Variants in PPP2R2B observed in about 807,000 individuals in gnomAD.
PPP2R2B encodes serine/threonine-protein phosphatase 2A 55 kDa regulatory subunit B beta isoform.
Under a neutral mutation model 46.0 loss-of-function variants are expected in PPP2R2B, and 5 were observed. The ratio of observed to expected loss-of-function variants is 0.11; its 90% CI spans 0.06 to 0.23. PPP2R2B has a LOEUF of 0.23. PPP2R2B is among the 10% of genes least tolerant of loss of function. The probability of loss-of-function intolerance (pLI) is 1.00; values close to 1 mark genes in which losing one functional copy is unlikely to be tolerated. For synonymous variants in PPP2R2B, 215 were observed against 206.7 expected (o/e 1.04, Z -0.34); for missense variants, 367 against 575.0 (o/e 0.64, Z 3.70).
At chr5:146,852,103 C>T (rs549777486) in intron 2 of PPP2R2B, among the ~76,000 whole-genome samples, 5 of 152,184 alleles carry the variant, frequency 3.3e-5, no homozygotes, top group Admixed American at 1.3e-4. Context: ...GCTCACTTAT[C>T]AAAAACCAAA....
At chr5:146,779,026 CAGTT>C (rs1272004304) in intron 2 of PPP2R2B, among the ~76,000 whole-genome samples, 1 of 152,160 alleles carries the variant, frequency 6.6e-6, no homozygotes, top group Non-Finnish European at 1.5e-5. Context: ...ACACAGCAAG[CAGTT>C]AGAAACAACA....
chr5:146,931,908 G>A (rs1267290386), intron 1 of PPP2R2B, among the ~76,000 whole-genome samples: 5 of 152,152 alleles, frequency 3.3e-5, no homozygotes, highest in Non-Finnish European at 5.9e-5. Flanking sequence ...GTGAGTGCAC[G>A]CATGGCATAT....
intron 1 of PPP2R2B, among the ~76,000 whole-genome samples, chr5:147,022,223 GA>G (rs1755305531): frequency 6.6e-6 from 1 of 152,094 alleles, no homozygotes; most frequent in African/African-American, 2.4e-5. Flanking sequence ...TCTAGAAAGA[GA>G]GTAAAGCGTG....
At chr5:146,976,166 C>T (rs771728250) in intron 1 of PPP2R2B, among the ~76,000 whole-genome samples, 5 of 150,248 alleles carry the variant, frequency 3.3e-5, no homozygotes, top group Middle Eastern at 3.6e-3. Flanking sequence ...GAGACACAGT[C>T]GTGCTCTGTC....
chr5:146,592,332 A>G (rs1264480349), intron 9 of PPP2R2B: 1 of 221,574 alleles, frequency 4.5e-6, no homozygotes, highest in Non-Finnish European at 9.2e-6. Flanking sequence ...TATGCTTTCA[A>G]ACACTATTAT....
chr5:146,859,981 G>A (rs990777452), intron 2 of PPP2R2B, among the ~76,000 whole-genome samples: 3 of 152,170 alleles, frequency 2.0e-5, no homozygotes, highest in African/African-American at 7.2e-5. Context: ...ACTATTAAGT[G>A]TTTTTCCATC....
intron 1 of PPP2R2B, among the ~76,000 whole-genome samples, chr5:146,933,188 T>C (rs1272173952): frequency 1.3e-5 from 2 of 152,190 alleles, no homozygotes; most frequent in African/African-American, 2.4e-5. Context: ...TGGAAAATAA[T>C]CCCATGTGTT....
At chr5:146,893,392 C>T (rs1762548334) in intron 1 of PPP2R2B, among the ~76,000 whole-genome samples, 1 of 152,244 alleles carries the variant, frequency 6.6e-6, no homozygotes, top group South Asian at 2.1e-4. Context: ...TCTTTTTCTG[C>T]CTTTTGAGTG....
chr5:146,704,561 C>G (rs995586351), intron 2 of PPP2R2B, among the ~76,000 whole-genome samples: 2 of 152,110 alleles, frequency 1.3e-5, no homozygotes, highest in Non-Finnish European at 2.9e-5. Context: ...AAACAAAAGC[C>G]AGAAACAGCT....
chr5:146,924,155 G>A (rs1486076032), intron 1 of PPP2R2B, among the ~76,000 whole-genome samples: 2 of 152,164 alleles, frequency 1.3e-5, no homozygotes, highest in Non-Finnish European at 2.9e-5. Flanking sequence ...GAAATAATCT[G>A]TACAACAAAT....
At chr5:146,677,650 C>A (rs1253733422) in intron 5 of PPP2R2B, among the ~76,000 whole-genome samples, 1 of 151,274 alleles carries the variant, frequency 6.6e-6, no homozygotes, top group Non-Finnish European at 1.5e-5. Flanking sequence ...ACTGTAGCCT[C>A]TCAAGTAGTT....
In PPP2R2B at chr5:146,728,138, C is replaced by CTTTT. The variant is rs757396751; in HGVS notation, c.71-27000_71-26997dup. On this transcript the variant is annotated intron_variant, in intron 2 of 9. Coordinates refer to ENST00000394411, the MANE Select transcript of PPP2R2B (RefSeq NM_181675.4). ...AATATGATGGCTAGGGAAACACTTA[C>CTTTT]TTTTTTTTTTTTTTTTTTTTTTTTC... 1.4e-3 allele frequency among the ~76,000 whole-genome samples: 112 copies of CTTTT among 82,450 alleles called. 1 individual carries two copies. Among genetic ancestry groups the CTTTT allele is most frequent in the Middle Eastern group, 0.01 (1 of 98 alleles). The allele number at this position is 82,450 out of a possible 152,430, so 54.1% of individuals were successfully genotyped here. A position where few individuals can be genotyped will look rare whatever the true frequency, so the allele number is the denominator to read the frequency against.
At chr5:146,745,156 AAGACAG>A (rs1293908558) in intron 2 of PPP2R2B, among the ~76,000 whole-genome samples, 193 of 106,106 alleles carry the variant, frequency 1.8e-3, no homozygotes, top group African/African-American at 6.8e-3. Context: ...CGTGCAGAGA[AAGACAG>A]AGAGAGAGAG....
Position 146,810,451 on chromosome 5 carries a change from CA to C in PPP2R2B, c.70+67550del, listed in dbSNP as rs1269493901. Among the ~76,000 whole-genome samples the C allele has an allele frequency of 2.0e-5, 3 of 152,136 alleles. No individual in the cohort carries two copies. The East Asian group carries it at 5.8e-4, about 29-fold the overall frequency. On this transcript the variant is annotated intron_variant, in intron 2 of 9. Transcript: ENST00000394411. ...TGATTCAGTTATATTCCGCTGGGTC[CA>C]TCTCACAACAGGAGGCAATTATGGG...
At chr5:146,643,254 A>G (rs1236124911) in intron 6 of PPP2R2B, among the ~76,000 whole-genome samples, 2 of 152,038 alleles carry the variant, frequency 1.3e-5, no homozygotes, top group African/African-American at 4.8e-5. Flanking sequence ...TGTGTATTCT[A>G]TAAGTGTTTC....
chr5:146,980,198 T>C (rs1323700664), intron 1 of PPP2R2B, among the ~76,000 whole-genome samples: 2 of 152,172 alleles, frequency 1.3e-5, no homozygotes, highest in Non-Finnish European at 2.9e-5. Flanking sequence ...TGTGTGCATG[T>C]ATCTATGTTT....
intron 2 of PPP2R2B, among the ~76,000 whole-genome samples, chr5:146,757,167 G>T (rs1753884404): frequency 6.6e-6 from 1 of 152,144 alleles, no homozygotes; most frequent in South Asian, 2.1e-4. Context: ...ATGGAATTGG[G>T]GGCTGAGTGG....
intron 7 of PPP2R2B, among the ~76,000 whole-genome samples, chr5:146,629,753 C>CTCCT (rs1384031028): frequency 5.3e-5 from 8 of 150,286 alleles, no homozygotes; most frequent in Non-Finnish European, 6.0e-5. Context: ...CTCCCTCCCT[C>CTCCT]CCCTTTTCTT....
Position 147,008,318 on chromosome 5 carries a change from A to G in PPP2R2B, c.79+47347T>C, listed in dbSNP as rs1270668346. ...TGAGATGAAGGGATAGGGGGAGGAA[A>G]CACAGGCTTATGAAGGTCTATGCAT... On this transcript the variant is annotated intron_variant, in intron 1 of 8. Transcript: ENST00000336640. Among the ~76,000 whole-genome samples, 4 of 152,270 alleles carry G rather than the reference A, an allele frequency of 2.6e-5. No homozygotes were observed. In the East Asian group the frequency reaches 7.7e-4, roughly 29 times the overall value.
Sources: gnomAD v4.1 joint callset for allele counts (sites outside exome capture counted in the v4.1 genomes callset) on GRCh38, gnomAD v4.1.1 for gene constraint, MANE v1.5 for transcripts, NCBI Gene and HGNC (gene_info 2026-07-23, HGNC 2026-07-21) for gene names.